Variants in TMEM178B observed in about 807,000 individuals in gnomAD.
TMEM178B encodes the protein transmembrane protein 178B.
A neutral mutation model predicts 31.0 loss-of-function variants in TMEM178B; 5 were observed. That is an observed-to-expected ratio of 0.16 (90% confidence interval 0.08 to 0.34). The LOEUF is 0.34. Among genes scored for constraint, TMEM178B ranks in the 10% least tolerant of loss-of-function variants. The pLI, the probability that TMEM178B is intolerant of heterozygous loss-of-function variation, is 1.00. For synonymous variants in TMEM178B, 164 were observed against 164.0 expected (o/e 1.00, Z 0.00); for missense variants, 275 against 400.3 (o/e 0.69, Z 2.67).
intron 2 of TMEM178B, among the ~76,000 whole-genome samples, chr7:141,319,116 C>T (rs1262718054): frequency 6.6e-6 from 1 of 152,162 alleles, no homozygotes; most frequent in Admixed American, 6.5e-5. Flanking sequence ...TCCTAGTGGA[C>T]CACTGTATTT....
chr7:141,267,764 C>T (rs1375300807), intron 2 of TMEM178B, among the ~76,000 whole-genome samples: 1 of 152,218 alleles, frequency 6.6e-6, no homozygotes, highest in East Asian at 1.9e-4. Context: ...TTGTCTAGAG[C>T]AGCTTTCCTT....
Position 141,074,285 on chromosome 7 carries a change from C to A in TMEM178B, c.-26C>A, listed in dbSNP as rs1000745274. 2 of 1,498,230 alleles carry A rather than the reference C, an allele frequency of 1.3e-6. No homozygotes were observed. Among genetic ancestry groups the A allele is most frequent in the African/African-American group, 2.8e-5 (2 of 72,174 alleles). 92.8% of individuals were successfully genotyped at this position (1,498,230 alleles called of 1,614,324 possible). A position where few individuals can be genotyped will look rare whatever the true frequency, so the allele number is the denominator to read the frequency against. ...AAGGCGAGGCTGCGGCGGATCATGC[C>A]CATGGTGTAGCCGCCAAGCGGAGGC... On this transcript the variant is annotated 5_prime_UTR_variant, in exon 1 of 4. Transcript: ENST00000565468. The surrounding 1 kb of genome is among the most constrained non-coding windows in gnomAD (Gnocchi z 5.1).
intron 2 of TMEM178B, among the ~76,000 whole-genome samples, chr7:141,326,237 C>CT (rs1384102936): frequency 6.6e-6 from 1 of 151,966 alleles, no homozygotes; most frequent in Non-Finnish European, 1.5e-5. Flanking sequence ...CTTTTTCTTT[C>CT]TTTTTTATCT....
At chr7:141,320,601 C>T (rs1013350979) in intron 2 of TMEM178B, among the ~76,000 whole-genome samples, 5 of 152,160 alleles carry the variant, frequency 3.3e-5, no homozygotes, top group African/African-American at 4.8e-5. Context: ...GCCCATTTTC[C>T]ATCCTGAGCT....
chr7:141,235,554 A>T (rs1294651464), intron 2 of TMEM178B, among the ~76,000 whole-genome samples: 1 of 152,216 alleles, frequency 6.6e-6, no homozygotes, highest in Non-Finnish European at 1.5e-5. Flanking sequence ...CATTTTAGTG[A>T]TGAGGCCCAG....
intron 1 of TMEM178B, among the ~76,000 whole-genome samples, chr7:141,149,073 T>G (rs1795908688): frequency 6.6e-6 from 1 of 152,108 alleles, no homozygotes; most frequent in Admixed American, 6.6e-5. Flanking sequence ...GAATGCCAGG[T>G]AAGGAGTTCA....
chr7:141,472,220 A>G lies in TMEM178B; in HGVS notation c.*1434A>G, dbSNP rs1802257503. The G allele has an allele frequency of 6.6e-6, 1 of 152,010 alleles. No homozygotes were observed. Among genetic ancestry groups the G allele is most frequent in the Non-Finnish European group, 1.5e-5 (1 of 68,032 alleles). 9.4% of individuals were successfully genotyped at this position (152,010 alleles called of 1,614,324 possible). On this transcript the variant is annotated 3_prime_UTR_variant, in exon 4 of 4. Coordinates refer to ENST00000565468, the MANE Select transcript of TMEM178B (RefSeq NM_001195278.2). ...GAAGTGGGTCACATGCAGAGAGAGC[A>G]CCTCCATTTCCCATGGGCTCAAGTT...
At chr7:141,345,653 T>C (rs1415767443) in intron 2 of TMEM178B, among the ~76,000 whole-genome samples, 1 of 152,120 alleles carries the variant, frequency 6.6e-6, no homozygotes, top group East Asian at 1.9e-4. Flanking sequence ...TCACAGAAAA[T>C]GCAAAAGGAG....
At chr7:141,402,813 C>T (rs919224594) in intron 2 of TMEM178B, among the ~76,000 whole-genome samples, 1 of 152,264 alleles carries the variant, frequency 6.6e-6, no homozygotes, top group African/African-American at 2.4e-5. Context: ...TGAGTGCTGA[C>T]AGCAACTGCA....
At chr7:141,447,756 G>A (rs1801786890) in intron 3 of TMEM178B, among the ~76,000 whole-genome samples, 1 of 152,120 alleles carries the variant, frequency 6.6e-6, no homozygotes, top group African/African-American at 2.4e-5. Flanking sequence ...GCCCCCTGAA[G>A]GTGTTGCAGG....
intron 2 of TMEM178B, among the ~76,000 whole-genome samples, chr7:141,354,395 A>G (rs1799784045): frequency 1.3e-5 from 2 of 152,218 alleles, no homozygotes; most frequent in African/African-American, 2.4e-5. Context: ...ATGCACAGTA[A>G]GTTCTCTTCC....
chr7:141,503,994 C>T, the TMEM178B span, among the ~76,000 whole-genome samples: 1 of 152,134 alleles, frequency 6.6e-6, no homozygotes, highest in Non-Finnish European at 1.5e-5. Flanking sequence ...GGGCAAGAGC[C>T]AGGAAGAAAT....
At chr7:141,509,887 T>C in the TMEM178B span, among the ~76,000 whole-genome samples, 1 of 152,226 alleles carries the variant, frequency 6.6e-6, no homozygotes. Flanking sequence ...TGGGAACCAC[T>C]GGACTAGAGG....
At chr7:141,486,689 A>G in the TMEM178B span, among the ~76,000 whole-genome samples, 2 of 152,210 alleles carry the variant, frequency 1.3e-5, no homozygotes, top group African/African-American at 4.8e-5. Flanking sequence ...AACACTACTT[A>G]TAAGTAGAAT....
rs1192869985 is a variant in TMEM178B at position 141,478,497 on chromosome 7, T to C, written c.*7711T>C. On this transcript the variant is annotated 3_prime_UTR_variant, in exon 4 of 4. Transcript: ENST00000565468. ...AGGAAGGTAGTATAGACCAGCGTCA[T>C]CCAATGGAACCATGATCCAAGCCAC... is the stretch of plus-strand genomic sequence containing the variant. The C allele has an allele frequency of 6.6e-6, 1 of 152,182 alleles. No homozygotes were observed. Among genetic ancestry groups the C allele is most frequent in the African/African-American group, 2.4e-5 (1 of 41,436 alleles). 9.4% of individuals were successfully genotyped at this position (152,182 alleles called of 1,614,324 possible).
intron 2 of TMEM178B, among the ~76,000 whole-genome samples, chr7:141,407,002 C>T (rs984188083): frequency 1.3e-5 from 2 of 152,224 alleles, no homozygotes; most frequent in African/African-American, 4.8e-5. Flanking sequence ...ATCCTTGTTT[C>T]TCTAAGCCAA....
At chr7:141,306,116 T>C (rs763539440) in intron 2 of TMEM178B, among the ~76,000 whole-genome samples, 13 of 152,248 alleles carry the variant, frequency 8.5e-5, no homozygotes, top group Non-Finnish European at 1.8e-4. Flanking sequence ...TTAATAGGAT[T>C]GAATTCACAT....
intron 2 of TMEM178B, among the ~76,000 whole-genome samples, chr7:141,343,669 C>A (rs771904380): frequency 6.6e-5 from 10 of 151,858 alleles, no homozygotes; most frequent in Non-Finnish European, 1.5e-4. Flanking sequence ...CTTGCCTCAG[C>A]CTCCCGAGTA....
intron 2 of TMEM178B, among the ~76,000 whole-genome samples, chr7:141,396,821 T>C (rs1800666115): frequency 6.6e-6 from 1 of 152,114 alleles, no homozygotes; most frequent in Non-Finnish European, 1.5e-5. Flanking sequence ...AAAGTGATAA[T>C]GGAGCTGGTA....
Sources: allele counts gnomAD v4.1 joint callset (sites outside exome capture counted in the v4.1 genomes callset), GRCh38; gene constraint gnomAD v4.1.1; non-coding constraint Gnocchi (gnomAD v3.1); transcripts MANE v1.5; gene names NCBI Gene and HGNC (gene_info 2026-07-23, HGNC 2026-07-21).